Variants in KCNH1 observed in about 807,000 individuals in gnomAD.
KCNH1 encodes voltage-gated delayed rectifier potassium channel KCNH1.
In KCNH1, 27 loss-of-function variants were observed where a neutral mutation model predicts 69.2. That is an observed-to-expected ratio of 0.39 (90% CI 0.29 to 0.54). KCNH1 has a LOEUF of 0.54. Among genes scored for constraint, KCNH1 ranks in the 20% least tolerant of loss-of-function variants. The pLI is 0.68. For missense variants in KCNH1, 798 were observed against 1,261.6 expected (o/e 0.63, Z 5.57); for synonymous variants, 456 against 487.7 (o/e 0.93, Z 0.86).
At chr1:211,067,731 T>C (rs1690557508) in intron 5 of KCNH1, among the ~76,000 whole-genome samples, 1 of 152,174 alleles carries the variant, frequency 6.6e-6, no homozygotes, top group African/African-American at 2.4e-5. Flanking sequence ...GTCGCCCTCA[T>C]ATAAGCAGTA....
In KCNH1 at chr1:210,683,760, A is replaced by G. The variant is rs766757386; in HGVS notation, c.2491T>C (p.Cys831Arg). ...CGGGCCCAGCTTTTGCGCTTGGCAC[A>G]ATCGCCCCCGCCCCCCTTGGGGCCC... ...CLGPKGGGGD[C>R]AKRKSWARFK... is the part of the protein sequence containing the mutation. The change falls in exon 11 of 11, where the codon TGT becomes CGT. Residue 831 changes from cysteine (C) to arginine (R), a missense_variant. By Grantham distance (180) the Cys-to-Arg change is radical. This residue lies in a region of KCNH1 where 331 missense variants were observed against 363.2 expected (regional missense o/e 0.91). Transcript: ENST00000271751. The surrounding 1 kb of genome is among the most constrained non-coding windows in gnomAD (Gnocchi z 5.7). 2 of 1,614,022 alleles carry G rather than the reference A, an allele frequency of 1.2e-6. No homozygotes were observed. The highest frequency in any genetic ancestry group is 2.7e-5 in the African/African-American group (2 of 75,064).
chr1:211,078,917 C>CAAAAAAAAAAAA (rs769981174), intron 5 of KCNH1, among the ~76,000 whole-genome samples: 31 of 82,998 alleles, frequency 3.7e-4, no homozygotes, highest in African/African-American at 5.3e-4. Flanking sequence ...GACTCCGTCT[C>CAAAAAAAAAAAA]AAAAAAAAAA....
At chr1:210,819,985 C>T (rs1280257096) in intron 7 of KCNH1, among the ~76,000 whole-genome samples, 2 of 152,256 alleles carry the variant, frequency 1.3e-5, no homozygotes, top group Non-Finnish European at 2.9e-5. Flanking sequence ...GGAAGTGGCT[C>T]CTCCAGCCAA....
intron 7 of KCNH1, among the ~76,000 whole-genome samples, chr1:210,833,242 A>C (rs1685202873): frequency 6.6e-6 from 1 of 152,214 alleles, no homozygotes; most frequent in Non-Finnish European, 1.5e-5. Context: ...AGAATTATTC[A>C]AATGCTAAGA....
chr1:210,860,061 A>G (rs1267530525), intron 7 of KCNH1: 2 of 1,430,850 alleles, frequency 1.4e-6, no homozygotes, highest in East Asian at 4.6e-5. Flanking sequence ...GACCTCTAAC[A>G]ATTTTGCCGT....
intron 10 of KCNH1, among the ~76,000 whole-genome samples, chr1:210,694,356 CCT>C (rs1317032808): frequency 6.6e-6 from 1 of 151,628 alleles, no homozygotes; most frequent in Admixed American, 6.6e-5. Context: ...CCTCACTCCC[CCT>C]GCTTTTTTTT....
At chr1:210,822,355 C>A (rs4951640) in intron 7 of KCNH1, among the ~76,000 whole-genome samples, 1 of 151,726 alleles carries the variant, frequency 6.6e-6, no homozygotes, top group South Asian at 2.1e-4. Context: ...AGGGGCCAGG[C>A]GGGAAGCCTT....
intron 5 of KCNH1, among the ~76,000 whole-genome samples, chr1:211,044,129 T>C (rs951621600): frequency 2.0e-5 from 3 of 152,178 alleles, no homozygotes; most frequent in African/African-American, 7.2e-5. Context: ...GGCATCCAAA[T>C]TGGTAAAGAG....
At chr1:210,811,132 C>T (rs188910955) in intron 7 of KCNH1, among the ~76,000 whole-genome samples, 13 of 152,300 alleles carry the variant, frequency 8.5e-5, no homozygotes, top group African/African-American at 2.6e-4. Context: ...TTCTTATTTT[C>T]ATATACTACC....
chr1:210,985,424 C>T (rs1408202930), intron 6 of KCNH1, among the ~76,000 whole-genome samples: 2 of 152,156 alleles, frequency 1.3e-5, no homozygotes, highest in African/African-American at 4.8e-5. Flanking sequence ...GCATGTAGTG[C>T]TATAAATTTC....
At chr1:210,903,426 C>T (rs190817959) in intron 7 of KCNH1, among the ~76,000 whole-genome samples, 2 of 152,304 alleles carry the variant, frequency 1.3e-5, no homozygotes, top group Admixed American at 6.5e-5. Context: ...GGGAAGGGCT[C>T]ATGGCCTCTT....
In KCNH1 at chr1:211,110,729, A is replaced by G. The variant is rs1238974371; in HGVS notation, c.80-3352T>C. The stretch of plus-strand genomic sequence containing the variant: ...GTGTACAGCTGATTTAAAAAATGGT[A>G]TAAATATTTTACTTAAAGTTGCAAA... On this transcript the variant is annotated intron_variant, in intron 1 of 10. Coordinates refer to ENST00000271751, the MANE Select transcript of KCNH1 (RefSeq NM_172362.3). 4.6e-5 allele frequency among the ~76,000 whole-genome samples: 7 copies of G among 152,176 alleles called. No homozygotes were observed. In the East Asian group the frequency reaches 1.3e-3, roughly 29 times the overall value.
At chr1:211,015,373 G>A (rs1253704758) in intron 6 of KCNH1, among the ~76,000 whole-genome samples, 1 of 152,156 alleles carries the variant, frequency 6.6e-6, no homozygotes, top group Non-Finnish European at 1.5e-5. Context: ...TATATGATAT[G>A]TTATTCCATC....
intron 7 of KCNH1, among the ~76,000 whole-genome samples, chr1:210,902,467 G>C (rs935509708): frequency 6.6e-6 from 1 of 152,232 alleles, no homozygotes; most frequent in Non-Finnish European, 1.5e-5. Context: ...GGTGGTGGGA[G>C]GAAGCTGGCT....
At chr1:210,957,262 C>A (rs1688196123) in intron 6 of KCNH1, among the ~76,000 whole-genome samples, 1 of 152,290 alleles carries the variant, frequency 6.6e-6, no homozygotes, top group South Asian at 2.1e-4. Flanking sequence ...AATTTGATTG[C>A]ACTGTGGTCT....
intron 5 of KCNH1, among the ~76,000 whole-genome samples, chr1:211,077,943 A>G (rs1571628688): frequency 7.0e-6 from 1 of 143,056 alleles, no homozygotes; most frequent in Admixed American, 6.8e-5. Context: ...AGCAAAAAGA[A>G]AAAAAAAAAA....
chr1:210,816,827 C>A (rs1392179674), intron 7 of KCNH1, among the ~76,000 whole-genome samples: 2 of 152,156 alleles, frequency 1.3e-5, no homozygotes, highest in African/African-American at 4.8e-5. Flanking sequence ...GAAACTCTCA[C>A]AAAACTCGAC....
rs1368435450 is a variant in KCNH1 at position 210,682,112 on chromosome 1, C to T, written c.*1169G>A. On this transcript the variant is annotated 3_prime_UTR_variant, in exon 11 of 11. Transcript: ENST00000271751. The stretch of plus-strand genomic sequence containing the variant: ...CACTGCTTCATTCTCTTTCCAGCTC[C>T]TGAAGAGAGTACAATCATGATCCTG... The T allele has an allele frequency of 1.3e-5, 2 of 152,182 alleles. No individual in the cohort carries two copies. Among genetic ancestry groups the T allele is most frequent in the Non-Finnish European group, 2.9e-5 (2 of 68,046 alleles). The allele number at this position is 152,182 out of a possible 1,614,324, so 9.4% of individuals were successfully genotyped here.
chr1:210,933,026 C>G (rs1647836504), intron 6 of KCNH1, among the ~76,000 whole-genome samples: 1 of 152,122 alleles, frequency 6.6e-6, no homozygotes, highest in Admixed American at 6.6e-5. Context: ...GACATTTACC[C>G]ACATTTCATC....
Sources: gnomAD v4.1 joint callset for allele counts (sites outside exome capture counted in the v4.1 genomes callset) on GRCh38, gnomAD v4.1.1 for gene constraint, gnomAD v4.1.1 regional missense constraint, Gnocchi (gnomAD v3.1) non-coding constraint, MANE v1.5 for transcripts, NCBI Gene and HGNC (gene_info 2026-07-23, HGNC 2026-07-21) for gene names.